The following HMBOX1 variants were observed in gnomAD, a reference collection of about 807,000 sequenced individuals.
The protein encoded by HMBOX1 is homeobox containing 1.
A neutral mutation model predicts 54.5 loss-of-function variants in HMBOX1; 14 were observed. That is an observed-to-expected ratio of 0.26 (90% CI 0.17 to 0.40). The LOEUF (loss-of-function observed/expected upper bound fraction) is 0.40. Among genes scored for constraint, HMBOX1 ranks in the 10% least tolerant of loss-of-function variants. HMBOX1 has a pLI of 1.00. For missense variants in HMBOX1, 332 were observed against 514.4 expected, an observed-to-expected ratio of 0.65 and a Z score of 3.43; for synonymous variants, 160 against 181.0, an observed-to-expected ratio of 0.88 and a Z score of 0.93.
chr8:28,990,686 T>A lies in HMBOX1; in HGVS notation c.586+10530T>A, dbSNP rs181340256. On this transcript the variant is annotated intron_variant, in intron 4 of 9. Coordinates refer to ENST00000287701, the MANE Select transcript of HMBOX1 (RefSeq NM_001135726.3). ...TTGTTTTCTTTTTCAGACGGTGTCTTGCTCTGTCTCCCAGGCTGGAGTGGA... is the reference window on the plus strand; with the variant it reads ...TTGTTTTCTTTTTCAGACGGTGTCTAGCTCTGTCTCCCAGGCTGGAGTGGA... 4.0e-3 allele frequency among the ~76,000 whole-genome samples: 613 copies of A among 152,224 alleles called. 3 individuals are homozygous for A. The highest frequency in any genetic ancestry group is 0.014 in the African/African-American group (561 of 41,542).
rs530332756 is a variant in HMBOX1 at position 28,916,912 on chromosome 8, TA to T, written c.-58+26239del. Among the ~76,000 whole-genome samples the T allele has an allele frequency of 1.1e-4, 17 of 151,968 alleles. No individual in the cohort carries two copies. The East Asian group carries it at 3.1e-3, about 28-fold the overall frequency. ...AGTGAGACTTTGTCTCTACAAAATA[TA>T]AAAATTAGCCAAACTTAGTGATGCA... On this transcript the variant is annotated intron_variant, in intron 1 of 9. Coordinates refer to ENST00000287701, the MANE Select transcript of HMBOX1 (RefSeq NM_001135726.3).
intron 6 of HMBOX1, among the ~76,000 whole-genome samples, chr8:29,037,149 T>C (rs1774435619): frequency 6.6e-6 from 1 of 152,190 alleles, no homozygotes; most frequent in South Asian, 2.1e-4. Flanking sequence ...TGCTCACACC[T>C]TCTGAAAGGT....
At chr8:29,003,892 A>G (rs764524985) in intron 4 of HMBOX1, among the ~76,000 whole-genome samples, 1 of 152,130 alleles carries the variant, frequency 6.6e-6, no homozygotes, top group Non-Finnish European at 1.5e-5. Flanking sequence ...AAAGGAGCTT[A>G]TGAGAATTTT....
intron 6 of HMBOX1, among the ~76,000 whole-genome samples, chr8:29,043,337 A>G (rs1007038663): frequency 6.6e-6 from 1 of 152,222 alleles, no homozygotes; most frequent in African/African-American, 2.4e-5. Context: ...TGCATTCTCT[A>G]GACCTAACTC....
chr8:28,925,764 C>T (rs1258845026), intron 1 of HMBOX1, among the ~76,000 whole-genome samples: 1 of 151,602 alleles, frequency 6.6e-6, no homozygotes, highest in Non-Finnish European at 1.5e-5. Flanking sequence ...TTATTTGATC[C>T]TCATAAAGGC....
At chr8:28,925,248 G>A (rs1304638947) in intron 1 of HMBOX1, among the ~76,000 whole-genome samples, 1 of 152,182 alleles carries the variant, frequency 6.6e-6, no homozygotes, top group African/African-American at 2.4e-5. Flanking sequence ...GGTTCAGAGT[G>A]CATGGGGTGT....
intron 1 of HMBOX1, chr8:28,891,828 A>G (rs1811054036): frequency 6.6e-6 from 1 of 152,270 alleles, no homozygotes; most frequent in Admixed American, 6.5e-5. Flanking sequence ...ATTAAAGATA[A>G]CACTATGTAA....
intron 6 of HMBOX1, among the ~76,000 whole-genome samples, chr8:29,022,785 G>T (rs1344706428): frequency 7.0e-6 from 1 of 142,206 alleles, no homozygotes; most frequent in Non-Finnish European, 1.5e-5. Context: ...TAGAAGAGAG[G>T]TAGAAGCTAG....
Position 28,952,178 on chromosome 8 carries a change from AAAAG to A in HMBOX1, c.-57-11629_-57-11626del, listed in dbSNP as rs1205584838. Among the ~76,000 whole-genome samples, 892 of 151,666 alleles carry A rather than the reference AAAAG, an allele frequency of 5.9e-3. 4 individuals are homozygous for A. Among genetic ancestry groups the A allele is most frequent in the African/African-American group, 0.02 (824 of 41,386 alleles). ...TATCTTAAAAAAAAAAAAAAAAAGA[AAAAG>A]AAAAGAAAATGAGAAAACCATATCC... On this transcript the variant is annotated intron_variant, in intron 1 of 9. Coordinates refer to ENST00000287701, the MANE Select transcript of HMBOX1 (RefSeq NM_001135726.3).
At chr8:29,049,156 C>A in intron 9 of HMBOX1, 108 bp downstream of exon 9, 1 of 1,462,192 alleles carries the variant, frequency 6.8e-7, no homozygotes, top group South Asian at 1.2e-5. Context: ...GGGAAACAGT[C>A]ACTGTCCCTC....
In HMBOX1 at chr8:28,970,493, A is replaced by G. The variant is rs1405073580; in HGVS notation, c.474A>G (p.Val158=). Residue 158 remains valine (V), a synonymous_variant, in exon 3 of 10, where the codon GTA becomes GTG. Transcript: ENST00000287701. The surrounding 1 kb of genome is among the most constrained non-coding windows in gnomAD (Gnocchi z 4.3). The part of the protein sequence containing the change: ...SFEASEEDLD[V]DDKVEELMRR... ...AAGCCTCAGAAGAGGACCTAGATGT[A>G]GATGATAAAGTGGAAGAATTAATGA... 6.2e-7 allele frequency: 1 copy of G among 1,601,784 alleles called. No homozygotes were observed. Among genetic ancestry groups the G allele is most frequent in the Non-Finnish European group, 8.5e-7 (1 of 1,173,950 alleles).
intron 1 of HMBOX1, among the ~76,000 whole-genome samples, chr8:28,926,934 A>G (rs979495294): frequency 1.3e-5 from 2 of 152,204 alleles, no homozygotes; most frequent in African/African-American, 4.8e-5. Flanking sequence ...TTTTAATCAC[A>G]TGATCCATTC....
chr8:28,904,098 A>T (rs114221091), intron 1 of HMBOX1, among the ~76,000 whole-genome samples: 1 of 152,162 alleles, frequency 6.6e-6, no homozygotes, highest in Admixed American at 6.5e-5. Context: ...GTGTGACTCT[A>T]TCAGTTGACA....
intron 3 of HMBOX1, among the ~76,000 whole-genome samples, chr8:28,971,086 CTTTTTT>C (rs146543031): frequency 1.2e-5 from 1 of 83,214 alleles, no homozygotes; most frequent in Non-Finnish European, 2.3e-5. Flanking sequence ...AAGAAATCTA[CTTTTTT>C]TTTTTTTTTT....
chr8:29,027,475 A>G (rs1802242812), intron 6 of HMBOX1, among the ~76,000 whole-genome samples: 1 of 152,172 alleles, frequency 6.6e-6, no homozygotes, highest in African/African-American at 2.4e-5. Flanking sequence ...ATATTCCTTT[A>G]TCTTTGGAAA....
chr8:29,019,466 A>G (rs1276910403), intron 6 of HMBOX1, among the ~76,000 whole-genome samples: 3 of 152,100 alleles, frequency 2.0e-5, no homozygotes, highest in South Asian at 2.1e-4. Flanking sequence ...CTGAAATGGT[A>G]TAAATTAATT....
intron 1 of HMBOX1, among the ~76,000 whole-genome samples, chr8:28,959,461 G>A (rs1282777739): frequency 3.3e-5 from 5 of 152,114 alleles, no homozygotes; most frequent in Non-Finnish European, 7.3e-5. Flanking sequence ...AATTTTCCAC[G>A]TAATATTCTC....
At chr8:28,988,701 A>G (rs1355017978) in intron 4 of HMBOX1, among the ~76,000 whole-genome samples, 1 of 151,940 alleles carries the variant, frequency 6.6e-6, no homozygotes, top group Non-Finnish European at 1.5e-5. Context: ...GCATCTTTTT[A>G]TATGATCATT....
chr8:29,004,387 A>T (rs932054570), intron 4 of HMBOX1, among the ~76,000 whole-genome samples: 19 of 152,144 alleles, frequency 1.2e-4, no homozygotes, highest in Admixed American at 8.5e-4. Context: ...TCCAAGGAGG[A>T]AGATGATGGG....
Sources: gnomAD v4.1 joint callset for allele counts (sites outside exome capture counted in the v4.1 genomes callset) on GRCh38, gnomAD v4.1.1 for gene constraint, Gnocchi (gnomAD v3.1) non-coding constraint, MANE v1.5 for transcripts, NCBI Gene and HGNC (gene_info 2026-07-23, HGNC 2026-07-21) for gene names.